Variants in ATP5F1C observed in about 807,000 individuals in gnomAD.
ATP5F1C encodes the protein ATP synthase F(1) complex subunit gamma, mitochondrial.
Under a neutral mutation model 37.4 loss-of-function variants are expected in ATP5F1C, and 22 were observed. The observed-to-expected ratio is 0.59, with a 90% CI of 0.42 to 0.84. The LOEUF (loss-of-function observed/expected upper bound fraction) is 0.84. Ranked by LOEUF, ATP5F1C falls within the 40% of genes least tolerant of loss-of-function variation. ATP5F1C has a pLI of 0.00. For synonymous variants in ATP5F1C, 121 were observed against 128.0 expected, an observed-to-expected ratio of 0.95 and a Z score of 0.37; for missense variants, 286 against 362.4, an observed-to-expected ratio of 0.79 and a Z score of 1.71.
chr10:7,791,107 C>T (rs1473415979), intron 1 of ATP5F1C, among the ~76,000 whole-genome samples: 1 of 152,138 alleles, frequency 6.6e-6, no homozygotes, highest in African/African-American at 2.4e-5. Flanking sequence ...CAAGACCATA[C>T]TGGCCAACAT....
intron 1 of ATP5F1C, among the ~76,000 whole-genome samples, chr10:7,791,313 AAAG>A (rs1391818614): frequency 2.0e-5 from 3 of 152,176 alleles, no homozygotes; most frequent in Non-Finnish European, 4.4e-5. Context: ...ACAAAAAAAA[AAAG>A]ATGATGCAGT....
intron 2 of ATP5F1C, 126 bp from the exon 3 acceptor site, chr10:7,796,921 C>T: frequency 2.8e-6 from 3 of 1,062,966 alleles, no homozygotes; most frequent in Non-Finnish European, 1.3e-6. Context: ...GGTTTAGCAT[C>T]GTGCTGTTTA....
At chr10:7,798,883 A>G in intron 3 of ATP5F1C, 107 bp from the exon 4 acceptor site, 1 of 1,111,656 alleles carries the variant, frequency 9.0e-7, no homozygotes, top group Non-Finnish European at 1.3e-6. Context: ...GTTGCCAGCT[A>G]AATTTAAATG....
intron 1 of ATP5F1C, among the ~76,000 whole-genome samples, chr10:7,794,859 C>T (rs1213822884): frequency 6.6e-6 from 1 of 152,192 alleles, no homozygotes; most frequent in Non-Finnish European, 1.5e-5. Flanking sequence ...ATTCTTACTG[C>T]TTTCCTTTCT....
Position 7,802,279 on chromosome 10 carries a change from GTATC to G in ATP5F1C, c.651_654del (p.Ile217MetfsTer25). 1 of 1,609,442 alleles carries G rather than the reference GTATC, an allele frequency of 6.2e-7. No homozygotes were observed. Among genetic ancestry groups the G allele is most frequent in the Non-Finnish European group, 8.5e-7 (1 of 1,178,316 alleles). On this transcript the variant is annotated frameshift_variant, in exon 7 of 10. Transcript: ENST00000356708. LOFTEE classifies it high-confidence loss of function. ...TCACTTGTTTTAACAGACAGCATGA[GTATC>G]TATGACGATATTGATGCTGACGTGC...
intron 1 of ATP5F1C, among the ~76,000 whole-genome samples, chr10:7,792,582 G>GT (rs1443439856): frequency 6.6e-6 from 1 of 152,110 alleles, no homozygotes; most frequent in East Asian, 1.9e-4. Flanking sequence ...TTTCTGGCAT[G>GT]TCACATAGCC....
intron 8 of ATP5F1C, chr10:7,804,295 C>G: frequency 2.2e-6 from 1 of 462,344 alleles, no homozygotes. Context: ...ACTCATTCTG[C>G]AGAAACACTC....
intron 1 of ATP5F1C, among the ~76,000 whole-genome samples, chr10:7,788,792 C>G (rs1836103610): frequency 6.6e-6 from 1 of 151,956 alleles, no homozygotes; most frequent in Non-Finnish European, 1.5e-5. Flanking sequence ...GTTGCAGACG[C>G]TTTGCTGGGT....
At chr10:7,797,602 G>T (rs1411659336) in intron 3 of ATP5F1C, among the ~76,000 whole-genome samples, 1 of 152,162 alleles carries the variant, frequency 6.6e-6, no homozygotes, top group Non-Finnish European at 1.5e-5. Flanking sequence ...AGATGTAAGG[G>T]CTTAATTTCA....
In ATP5F1C at chr10:7,796,153, A is replaced by T. The variant is rs1297457757; in HGVS notation, c.89A>T (p.Asp30Val). Residue 30 changes from aspartate to valine, a missense_variant and splice_region_variant, in exon 2 of 10, where the codon GAT (aspartate) becomes GTT (valine). Asp to Val is a radical substitution (Grantham distance 152). Coordinates refer to ENST00000356708, the MANE Select transcript of ATP5F1C (RefSeq NM_001001973.3). ...GTTCGAAATATGGCAACTTTGAAAG[A>T]TAGTAAGTATGTTGTTTGTCTCAAT... ...IQVRNMATLK[D>V]ITRRLKSIKN... 1 of 1,587,958 alleles carries T rather than the reference A, an allele frequency of 6.3e-7. No homozygotes were observed. The highest frequency in any genetic ancestry group is 1.4e-5 in the African/African-American group (1 of 73,450).
intron 1 of ATP5F1C, among the ~76,000 whole-genome samples, chr10:7,793,207 G>T (rs540770337): frequency 1.3e-4 from 20 of 152,308 alleles, no homozygotes; most frequent in African/African-American, 4.6e-4. Flanking sequence ...CACCTCCTGG[G>T]TTCAAGCGAT....
At chr10:7,794,945 G>T (rs1836215045) in intron 1 of ATP5F1C, among the ~76,000 whole-genome samples, 2 of 152,086 alleles carry the variant, frequency 1.3e-5, no homozygotes, top group African/African-American at 2.4e-5. Context: ...TCTTCATCCA[G>T]GTTCTTGAGG....
intron 8 of ATP5F1C, 78 bp from the exon 9 acceptor site, chr10:7,806,896 A>G (rs1391880418): frequency 3.2e-6 from 4 of 1,251,964 alleles, no homozygotes; most frequent in African/African-American, 3.0e-5. Flanking sequence ...ATTGGAAAGC[A>G]TATGTGATTA....
At chr10:7,801,469 C>G (rs975790216) in intron 6 of ATP5F1C, 4 of 152,250 alleles carry the variant, frequency 2.6e-5, no homozygotes, top group African/African-American at 9.6e-5. Context: ...AGTTCTCCCA[C>G]TCTTTCATGT....
At chr10:7,806,814 C>T (rs1836491501) in intron 8 of ATP5F1C, among the ~76,000 whole-genome samples, 160 bp from the exon 9 acceptor site, 1 of 152,120 alleles carries the variant, frequency 6.6e-6, no homozygotes, top group Admixed American at 6.5e-5. Context: ...GAGTCTGTTT[C>T]AAAGGAATCT....
intron 1 of ATP5F1C, 42 bp downstream of exon 1, chr10:7,788,305 G>A (rs1836086878): frequency 6.2e-7 from 1 of 1,606,268 alleles, no homozygotes; most frequent in East Asian, 2.2e-5. Context: ...CGCAAGGGAT[G>A]GAAGAGCTTG....
intron 1 of ATP5F1C, among the ~76,000 whole-genome samples, chr10:7,794,918 C>T (rs1010123314): frequency 2.0e-5 from 3 of 152,140 alleles, no homozygotes; most frequent in Non-Finnish European, 2.9e-5. Flanking sequence ...ATCTAGTCTC[C>T]TATTGCTTTG....
At position 7,788,178 on chromosome 10, in the gene ATP5F1C, T is replaced by G. The variant is rs1462142484; in HGVS notation, c.-30T>G. The G allele has an allele frequency of 4.0e-5, 65 of 1,611,924 alleles. No homozygotes were observed. The highest frequency in any genetic ancestry group is 5.2e-5 in the Non-Finnish European group (61 of 1,179,746). On this transcript the variant is annotated 5_prime_UTR_variant, in exon 1 of 10. Coordinates refer to ENST00000356708, the MANE Select transcript of ATP5F1C (RefSeq NM_001001973.3). ...CGGCGCATGCGCGCTGAGGCCTGCC[T>G]GACCGACCTTCAGCAGGGCTGTGGC...
At chr10:7,803,223 G>A (rs1349842518) in intron 8 of ATP5F1C, among the ~76,000 whole-genome samples, 2 of 151,460 alleles carry the variant, frequency 1.3e-5, no homozygotes, top group Admixed American at 1.3e-4. Flanking sequence ...ATTGCATGTT[G>A]GGAAGGTCCA....
Sources: allele counts gnomAD v4.1 joint callset (sites outside exome capture counted in the v4.1 genomes callset), GRCh38; gene constraint gnomAD v4.1.1; transcripts MANE v1.5; gene names NCBI Gene and HGNC (gene_info 2026-07-23, HGNC 2026-07-21).